The following RYK variants were observed in gnomAD, a reference collection of about 807,000 sequenced individuals.
RYK encodes inactive tyrosine-protein kinase RYK.
A neutral mutation model predicts 70.2 loss-of-function variants in RYK; 21 were observed. The ratio of observed to expected loss-of-function variants is 0.30; its 90% CI spans 0.21 to 0.43. RYK has a LOEUF of 0.43. Ranked by LOEUF, RYK falls within the 20% of genes least tolerant of loss-of-function variation. The probability of loss-of-function intolerance (pLI) is 1.00; values close to 1 mark genes in which losing one functional copy is unlikely to be tolerated. For missense variants in RYK, 604 were observed against 753.3 expected, an observed-to-expected ratio of 0.80 and a Z score of 2.32; for synonymous variants, 267 against 278.0, an observed-to-expected ratio of 0.96 and a Z score of 0.39.
At chr3:134,200,097 A>G (rs978258683) in intron 6 of RYK, among the ~76,000 whole-genome samples, 22 of 152,140 alleles carry the variant, frequency 1.4e-4, no homozygotes, top group African/African-American at 5.1e-4. Flanking sequence ...GGGTGGGGCC[A>G]AATAAGGGAA....
chr3:134,206,886 A>T (rs905647750), intron 5 of RYK, among the ~76,000 whole-genome samples: 1 of 152,116 alleles, frequency 6.6e-6, no homozygotes, highest in African/African-American at 2.4e-5. Context: ...CAATTTTTTA[A>T]AGTCTACTTG....
At chr3:134,198,105 A>T (rs1320068847) in intron 6 of RYK, among the ~76,000 whole-genome samples, 3 of 152,232 alleles carry the variant, frequency 2.0e-5, no homozygotes, top group Admixed American at 6.5e-5. Context: ...CTACATAGCT[A>T]TATCACAAGA....
chr3:134,157,937 C>T lies in RYK; in HGVS notation c.*216G>A, dbSNP rs1255752052. The T allele has an allele frequency of 4.8e-5, 18 of 375,992 alleles. No homozygotes were observed. The highest frequency in any genetic ancestry group is 9.4e-6 in the Non-Finnish European group (2 of 213,186). The allele number at this position is 375,992 out of a possible 1,614,324, so 23.3% of individuals were successfully genotyped here. A position where few individuals can be genotyped will look rare whatever the true frequency, so the allele number is the denominator to read the frequency against. ...TTTGGCCAAAAAATTTACAAAAACC[C>T]TTTCAGTTCAACCTAATAAAAGTGA... is the stretch of plus-strand genomic sequence containing the variant. On this transcript the variant is annotated 3_prime_UTR_variant, in exon 15 of 15. Transcript: ENST00000623711.
At chr3:134,214,358 C>T (rs748340096) in intron 2 of RYK, among the ~76,000 whole-genome samples, 1 of 152,160 alleles carries the variant, frequency 6.6e-6, no homozygotes, top group Non-Finnish European at 1.5e-5. Context: ...CCAAGTCAGC[C>T]AACATTTATG....
intron 9 of RYK, among the ~76,000 whole-genome samples, chr3:134,185,408 T>C (rs988648355): frequency 3.3e-5 from 5 of 152,248 alleles, no homozygotes; most frequent in African/African-American, 1.2e-4. Context: ...CACTTCGTCT[T>C]GCTTCACTTC....
chr3:134,245,529 C>T (rs1322708040), intron 1 of RYK, among the ~76,000 whole-genome samples: 2 of 152,010 alleles, frequency 1.3e-5, no homozygotes, highest in Non-Finnish European at 2.9e-5. Flanking sequence ...CTTGAGGCAC[C>T]AAGGAGATGC....
At chr3:134,209,605 G>T in intron 4 of RYK, 90 bp downstream of exon 4, 1 of 926,758 alleles carries the variant, frequency 1.1e-6, no homozygotes, top group Non-Finnish European at 1.5e-6. Context: ...TCATGAGTTG[G>T]ACATACTTAA....
At chr3:134,208,418 T>C (rs1179617333) in intron 4 of RYK, among the ~76,000 whole-genome samples, 2 of 152,236 alleles carry the variant, frequency 1.3e-5, no homozygotes, top group Non-Finnish European at 2.9e-5. Context: ...TTATATCAAA[T>C]ATATAATGAC....
intron 1 of RYK, among the ~76,000 whole-genome samples, chr3:134,231,467 A>G (rs1237937128): frequency 6.6e-6 from 1 of 152,192 alleles, no homozygotes; most frequent in East Asian, 1.9e-4. Context: ...TAACAGAGCA[A>G]CTTCACAACA....
At chr3:134,173,237 C>T (rs9846664) in intron 13 of RYK, among the ~76,000 whole-genome samples, 70,310 of 150,916 alleles carry the variant, frequency 0.47, 17,143 homozygotes, top group Middle Eastern at 0.64. Flanking sequence ...GCTGCAATCG[C>T]GCCACTGCAC....
intron 1 of RYK, among the ~76,000 whole-genome samples, chr3:134,224,480 G>A (rs1301181532): frequency 6.6e-6 from 1 of 152,208 alleles, no homozygotes; most frequent in Non-Finnish European, 1.5e-5. Context: ...GACCAGGAAC[G>A]TGATTGCTAA....
At chr3:134,226,596 A>T (rs2014917989) in intron 1 of RYK, among the ~76,000 whole-genome samples, 1 of 152,176 alleles carries the variant, frequency 6.6e-6, no homozygotes, top group Non-Finnish European at 1.5e-5. Context: ...CATTCTCCAC[A>T]AAATATTAGC....
chr3:134,162,055 C>T (rs979582732), intron 13 of RYK, among the ~76,000 whole-genome samples: 8 of 152,240 alleles, frequency 5.3e-5, no homozygotes, highest in African/African-American at 1.9e-4. Context: ...GCAGCTGCAG[C>T]CCTGCAGTCC....
chr3:134,228,467 TAAAGA>T (rs1465127722), intron 1 of RYK, among the ~76,000 whole-genome samples: 6 of 152,128 alleles, frequency 3.9e-5, no homozygotes, highest in Admixed American at 1.3e-4. Context: ...AATGAATGCA[TAAAGA>T]AAATATGGTA....
intron 7 of RYK, 137 bp downstream of exon 7, chr3:134,194,945 G>C: frequency 1.7e-6 from 1 of 599,370 alleles, no homozygotes; most frequent in South Asian, 2.1e-5. Flanking sequence ...AGCAAAAGTT[G>C]AAGAGCATAC....
chr3:134,211,710 C>T (rs1281891642), intron 2 of RYK, 103 bp from the exon 3 acceptor site: 2 of 689,088 alleles, frequency 2.9e-6, no homozygotes, highest in Non-Finnish European at 5.0e-6. Context: ...ATGAGCCTTT[C>T]ATATGTACAA....
intron 13 of RYK, among the ~76,000 whole-genome samples, chr3:134,172,611 AAAAATC>A (rs1273338640): frequency 6.6e-6 from 1 of 152,238 alleles, no homozygotes; most frequent in East Asian, 1.9e-4. Flanking sequence ...TGAAAAATAT[AAAAATC>A]AAAACCAAAA....
intron 1 of RYK, among the ~76,000 whole-genome samples, chr3:134,249,695 CA>C (rs2015555073): frequency 6.6e-6 from 1 of 152,056 alleles, no homozygotes; most frequent in Admixed American, 6.6e-5. Flanking sequence ...TCAAGATACT[CA>C]AAAGTAGGAG....
At chr3:134,217,308 T>C (rs1434045422) in intron 2 of RYK, among the ~76,000 whole-genome samples, 5 of 152,176 alleles carry the variant, frequency 3.3e-5, no homozygotes, top group African/African-American at 1.2e-4. Context: ...CTTCTGAAAG[T>C]TCATGATTAC....
Sources: allele counts gnomAD v4.1 joint callset (sites outside exome capture counted in the v4.1 genomes callset), GRCh38; gene constraint gnomAD v4.1.1; transcripts MANE v1.5; gene names NCBI Gene and HGNC (gene_info 2026-07-23, HGNC 2026-07-21).